Variants in EVI5 observed in about 807,000 individuals in gnomAD.
EVI5 encodes ecotropic viral integration site 5.
In EVI5, 73 loss-of-function variants were observed where a neutral mutation model predicts 112.0. The observed-to-expected ratio is 0.65, with a 90% CI of 0.54 to 0.79. The LOEUF is 0.79. Ranked by LOEUF, EVI5 falls within the 30% of genes least tolerant of loss-of-function variation. The pLI, the probability that EVI5 is intolerant of heterozygous loss-of-function variation, is 0.00. For missense variants in EVI5, 900 were observed against 968.8 expected, an observed-to-expected ratio of 0.93 and a Z score of 0.94; for synonymous variants, 305 against 319.9, an observed-to-expected ratio of 0.95 and a Z score of 0.50.
chr1:92,768,079 C>CCA (rs1682901791), intron 1 of EVI5, among the ~76,000 whole-genome samples: 2 of 135,094 alleles, frequency 1.5e-5, no homozygotes, highest in East Asian at 2.1e-4. Context: ...GACCCTATCT[C>CCA]AAAAAAAAAA....
intron 9 of EVI5, among the ~76,000 whole-genome samples, chr1:92,687,045 A>T (rs1668661224): frequency 6.6e-6 from 1 of 152,232 alleles, no homozygotes; most frequent in Non-Finnish European, 1.5e-5. Context: ...ACTACTTTAA[A>T]GTTCATATGG....
At chr1:92,676,234 G>T (rs1182114048) in intron 10 of EVI5, among the ~76,000 whole-genome samples, 1 of 152,010 alleles carries the variant, frequency 6.6e-6, no homozygotes, top group Non-Finnish European at 1.5e-5. Flanking sequence ...ACCAAGGCAG[G>T]AAAGAGTATT....
In EVI5 at chr1:92,511,015, A is replaced by G. The variant is rs1659154593; in HGVS notation, c.*2641T>C. 6.6e-6 allele frequency: 1 copy of G among 152,218 alleles called. No homozygotes were observed. The highest frequency in any genetic ancestry group is 2.4e-5 in the African/African-American group (1 of 41,458). 9.4% of individuals were successfully genotyped at this position (152,218 alleles called of 1,614,324 possible). ...TAGAACTCCGAACAAAAATCCCCAAAGCACAAGACAATCCTACGAGTAAGT... is the reference window on the plus strand; with the variant it reads ...TAGAACTCCGAACAAAAATCCCCAAGGCACAAGACAATCCTACGAGTAAGT... On this transcript the variant is annotated 3_prime_UTR_variant, in exon 20 of 20. Coordinates refer to ENST00000684568, the MANE Select transcript of EVI5 (RefSeq NM_001350197.2).
intron 19 of EVI5, among the ~76,000 whole-genome samples, chr1:92,547,265 A>G (rs1243254163): frequency 6.6e-6 from 1 of 152,222 alleles, no homozygotes; most frequent in Non-Finnish European, 1.5e-5. Context: ...ACGTAACGAA[A>G]TGAAGGCAGA....
intron 13 of EVI5, among the ~76,000 whole-genome samples, chr1:92,654,698 C>T (rs1212934732): frequency 1.3e-5 from 2 of 151,824 alleles, no homozygotes; most frequent in African/African-American, 2.4e-5. Context: ...TCTGAAATAC[C>T]ATATAAAGAA....
At chr1:92,775,165 C>A (rs1570913996) in intron 1 of EVI5, among the ~76,000 whole-genome samples, 1 of 152,192 alleles carries the variant, frequency 6.6e-6, no homozygotes, top group African/African-American at 2.4e-5. Context: ...TAGTGGCTCA[C>A]GCCTGTAATC....
intron 13 of EVI5, among the ~76,000 whole-genome samples, chr1:92,660,001 C>T (rs1037468507): frequency 2.0e-5 from 3 of 151,690 alleles, no homozygotes; most frequent in Non-Finnish European, 4.4e-5. Flanking sequence ...TATTGCATAC[C>T]GTCACTTATA....
intron 13 of EVI5, among the ~76,000 whole-genome samples, chr1:92,651,236 G>C (rs1662029042): frequency 1.3e-5 from 2 of 152,012 alleles, no homozygotes; most frequent in Admixed American, 1.3e-4. Context: ...AACACATATA[G>C]GACTAAGGAA....
rs141559165 is a variant in EVI5, at chr1:92,624,689, C to CAA, written c.1669-357_1669-356dup. ...GAAACCCTGTCTCTAGTCTCTACTT[C>CAA]AAAAAAAAAAAAAAAAAAAAAAAAA... On this transcript the variant is annotated intron_variant, in intron 15 of 19. Transcript: ENST00000684568. Among the ~76,000 whole-genome samples the CAA allele has an allele frequency of 2.6e-3, 134 of 51,760 alleles. 9 individuals carry two copies. Among genetic ancestry groups the CAA allele is most frequent in the Admixed American group, 5.0e-3 (14 of 2,798 alleles). The allele number at this position is 51,760 out of a possible 152,430, so 34.0% of individuals were successfully genotyped here.
At chr1:92,783,156 T>C (rs1685081899) in intron 1 of EVI5, among the ~76,000 whole-genome samples, 1 of 152,130 alleles carries the variant, frequency 6.6e-6, no homozygotes, top group African/African-American at 2.4e-5. Context: ...TTTTTCTCTA[T>C]ACTTCAATAA....
chr1:92,786,111 A>G (rs1685614261), upstream of EVI5, among the ~76,000 whole-genome samples: 1 of 151,970 alleles, frequency 6.6e-6, no homozygotes, highest in South Asian at 2.1e-4. Flanking sequence ...AGGGACAAAA[A>G]TTATAATAAT....
intron 15 of EVI5, 30 bp downstream of exon 15, chr1:92,625,764 T>C (rs1254096998): frequency 6.2e-7 from 1 of 1,603,024 alleles, no homozygotes; most frequent in Non-Finnish European, 8.5e-7. Context: ...TACTCTCTTT[T>C]AAAAAAGCAC....
chr1:92,509,683 T>G lies in EVI5; in HGVS notation c.*3973A>C, dbSNP rs1455313480. The stretch of plus-strand genomic sequence containing the variant: ...CCAATTTCTAAAAAGGCTGTTGAAG[T>G]GTTTTCTTGATCTAAAAGTGTCTGT... On this transcript the variant is annotated 3_prime_UTR_variant, in exon 20 of 20. Coordinates refer to ENST00000684568, the MANE Select transcript of EVI5 (RefSeq NM_001350197.2). 1 of 152,142 alleles carries G rather than the reference T, an allele frequency of 6.6e-6. No individual in the cohort carries two copies. The highest frequency in any genetic ancestry group is 1.5e-5 in the Non-Finnish European group (1 of 68,030). 9.4% of individuals were successfully genotyped at this position (152,142 alleles called of 1,614,324 possible).
chr1:92,621,872 C>T (rs1346803918), intron 16 of EVI5, among the ~76,000 whole-genome samples: 1 of 152,030 alleles, frequency 6.6e-6, no homozygotes, highest in Non-Finnish European at 1.5e-5. Context: ...CCTGTAATCC[C>T]AGCACTTTGG....
At chr1:92,643,596 CAAT>C in intron 13 of EVI5, among the ~76,000 whole-genome samples, 1 of 152,162 alleles carries the variant, frequency 6.6e-6, no homozygotes, top group South Asian at 2.1e-4. Flanking sequence ...TGAAAACTAA[CAAT>C]ATTAGGTTCA....
At chr1:92,643,940 A>C (rs1424931966) in intron 13 of EVI5, among the ~76,000 whole-genome samples, 1 of 152,226 alleles carries the variant, frequency 6.6e-6, no homozygotes, top group Non-Finnish European at 1.5e-5. Context: ...ATTCTTGTTT[A>C]TAACTAATAA....
intron 18 of EVI5, among the ~76,000 whole-genome samples, chr1:92,579,014 A>G (rs2101064201): frequency 6.6e-6 from 1 of 152,294 alleles, no homozygotes; most frequent in East Asian, 1.9e-4. Flanking sequence ...TACCCAGCCT[A>G]AACCTAAAAT....
At chr1:92,602,467 C>T (rs1429497135) in intron 18 of EVI5, among the ~76,000 whole-genome samples, 1 of 152,168 alleles carries the variant, frequency 6.6e-6, no homozygotes, top group Non-Finnish European at 1.5e-5. Context: ...TTGATCATAG[C>T]TCCTTGTAAT....
At chr1:92,539,249 A>T (rs1010191239) in intron 19 of EVI5, among the ~76,000 whole-genome samples, 1 of 152,142 alleles carries the variant, frequency 6.6e-6, no homozygotes, top group African/African-American at 2.4e-5. Flanking sequence ...AATCTGAAAA[A>T]ATCTTGAACC....
Sources: allele counts gnomAD v4.1 joint callset (sites outside exome capture counted in the v4.1 genomes callset), GRCh38; gene constraint gnomAD v4.1.1; transcripts MANE v1.5; gene names NCBI Gene and HGNC (gene_info 2026-07-23, HGNC 2026-07-21).